The following HEXB variants were observed in gnomAD, a reference collection of about 807,000 sequenced individuals.
HEXB encodes hexosaminidase subunit beta.
HEXB carries 51 observed loss-of-function variants against 71.2 expected under a neutral mutation model. That is an observed-to-expected ratio of 0.72 (90% CI 0.57 to 0.90). The LOEUF is 0.90. Among genes scored for constraint, HEXB ranks in the 40% least tolerant of loss-of-function variants. The probability of loss-of-function intolerance (pLI) is 0.00; values close to 1 mark genes in which losing one functional copy is unlikely to be tolerated. For missense variants in HEXB, 617 were observed against 677.0 expected (o/e 0.91, Z 0.98); for synonymous variants, 266 against 249.3 (o/e 1.07, Z -0.63).
At chr5:74,648,416 C>T (rs778157103) in intron 1 of HEXB, among the ~76,000 whole-genome samples, 23 of 152,134 alleles carry the variant, frequency 1.5e-4, no homozygotes, top group Non-Finnish European at 2.5e-4. Context: ...CAAATAGTAC[C>T]GAAGGACAAG....
At chr5:74,673,711 C>T (rs1197870250) in intron 1 of HEXB, among the ~76,000 whole-genome samples, 6 of 152,178 alleles carry the variant, frequency 3.9e-5, no homozygotes, top group Non-Finnish European at 5.9e-5. Context: ...CAGGGCATGA[C>T]GTATCCCTTT....
In HEXB at chr5:74,718,274, T is replaced by A. The variant is rs763199590; in HGVS notation, c.1170-17T>A. The stretch of plus-strand genomic sequence containing the variant: ...AGCTTATGATCTAAAATAACTATAA[T>A]TTTTTTGTAATACTAGGGTTTTGGA... On this transcript the variant is annotated splice_polypyrimidine_tract_variant and intron_variant, in intron 9 of 13. Coordinates refer to ENST00000261416, the MANE Select transcript of HEXB (RefSeq NM_000521.4). 3 of 1,468,152 alleles carry A rather than the reference T, an allele frequency of 2.0e-6. No homozygotes were observed. The highest frequency in any genetic ancestry group is 1.4e-5 in the African/African-American group (1 of 72,126). The allele number at this position is 1,468,152 out of a possible 1,614,324, so 90.9% of individuals were successfully genotyped here.
chr5:74,650,882 C>T (rs768322400), intron 1 of HEXB, among the ~76,000 whole-genome samples: 9 of 146,122 alleles, frequency 6.2e-5, no homozygotes, highest in Admixed American at 1.4e-4. Context: ...GCTGGGATCA[C>T]GCCACTGCAC....
intron 1 of HEXB, among the ~76,000 whole-genome samples, chr5:74,651,008 C>T (rs1196015048): frequency 6.6e-6 from 1 of 150,968 alleles, no homozygotes; most frequent in East Asian, 1.9e-4. Context: ...TCATCTCTTA[C>T]AATGATGTAA....
chr5:74,672,083 C>T (rs1419167071), intron 1 of HEXB, among the ~76,000 whole-genome samples: 1 of 152,146 alleles, frequency 6.6e-6, no homozygotes, highest in East Asian at 1.9e-4. Context: ...TTCTGCTATC[C>T]CGATATATGT....
At chr5:74,675,206 G>T (rs1748609443) in intron 1 of HEXB, among the ~76,000 whole-genome samples, 1 of 152,188 alleles carries the variant, frequency 6.6e-6, no homozygotes, top group African/African-American at 2.4e-5. Context: ...TCCTGCTGAA[G>T]GCAGGCCAGG....
Position 74,718,833 on chromosome 5 carries a change from A to G in HEXB, c.1279A>G (p.Ser427Gly), listed in dbSNP as rs749347602. 81 of 1,614,084 alleles carry G rather than the reference A, an allele frequency of 5.0e-5. No homozygotes were observed. The East Asian group carries it at 1.8e-3, about 36-fold the overall frequency. Residue 427 changes from serine to glycine, a missense_variant, in exon 11 of 14, where the codon AGC becomes GGC. By Grantham distance (56) the Ser-to-Gly change is moderately conservative (BLOSUM62 0). Transcript: ENST00000261416. ...PGTIVEVWKD[S>G]AYPEELSRVT... is the part of the protein sequence containing the mutation. ...CACAATAGTTGAAGTATGGAAAGAC[A>G]GCGCATATCCTGAGGAACTCAGTAG...
chr5:74,692,371 A>G (rs1358655961), intron 2 of HEXB, among the ~76,000 whole-genome samples: 2 of 151,170 alleles, frequency 1.3e-5, no homozygotes, highest in Admixed American at 6.6e-5. Context: ...AAAATTAGCC[A>G]GGCGTGGTGG....
At chr5:74,660,806 G>T (rs146604642) in intron 1 of HEXB, among the ~76,000 whole-genome samples, 122 of 152,230 alleles carry the variant, frequency 8.0e-4, no homozygotes, top group African/African-American at 2.8e-3. Flanking sequence ...CATCAAAGAG[G>T]CCTCTGATCC....
intron 1 of HEXB, among the ~76,000 whole-genome samples, chr5:74,651,660 A>G (rs1297257313): frequency 2.0e-5 from 3 of 152,222 alleles, no homozygotes; most frequent in South Asian, 2.1e-4. Context: ...TCATTGACAT[A>G]TGATGAATAA....
chr5:74,701,092 A>T (rs1296658461), intron 5 of HEXB, among the ~76,000 whole-genome samples: 1 of 150,458 alleles, frequency 6.6e-6, no homozygotes, highest in Non-Finnish European at 1.5e-5. Flanking sequence ...CACATTTCCC[A>T]GGTTGGTCTT....
At chr5:74,660,015 A>G (rs2112086835) in intron 1 of HEXB, among the ~76,000 whole-genome samples, 1 of 152,314 alleles carries the variant, frequency 6.6e-6, no homozygotes, top group South Asian at 2.1e-4. Flanking sequence ...CAGAGAGGAC[A>G]TCATCACCTT....
chr5:74,708,796 T>C (rs1469838825), intron 6 of HEXB, among the ~76,000 whole-genome samples: 1 of 151,438 alleles, frequency 6.6e-6, no homozygotes, highest in African/African-American at 2.4e-5. Context: ...ATAAAGCAAG[T>C]CCTGAGTGAC....
chr5:74,646,017 T>G (rs1418769868), intron 1 of HEXB, among the ~76,000 whole-genome samples: 1 of 152,010 alleles, frequency 6.6e-6, no homozygotes, highest in Non-Finnish European at 1.5e-5. Flanking sequence ...GGATCCCTAC[T>G]TTTATATTTA....
intron 6 of HEXB, among the ~76,000 whole-genome samples, chr5:74,712,267 A>T (rs1220135119): frequency 5.9e-4 from 74 of 126,076 alleles, no homozygotes; most frequent in African/African-American, 1.9e-3. Flanking sequence ...AACATCACAC[A>T]CTGGGGACTG....
chr5:74,710,721 T>G (rs1341769983), intron 6 of HEXB, among the ~76,000 whole-genome samples: 1 of 151,340 alleles, frequency 6.6e-6, no homozygotes, highest in Non-Finnish European at 1.5e-5. Flanking sequence ...GGAATCCAAC[T>G]TACAAGGGAT....
Position 74,641,712 on chromosome 5 carries a change from G to T in HEXB, c.-377+1154G>T, listed in dbSNP as rs1747895319. 6.6e-6 allele frequency among the ~76,000 whole-genome samples: 1 copy of T among 152,222 alleles called. No individual in the cohort carries two copies. The highest frequency in any genetic ancestry group is 2.1e-4 in the South Asian group (1 of 4,832). ...GCGATTCGAAAAATAATCTCGCGTG[G>T]TGATCACTTTTACGAATCCCATTTA... On this transcript the variant is annotated intron_variant, in intron 1 of 13. Coordinates refer to the HEXB transcript ENST00000511181. The surrounding 1 kb of genome is among the most constrained non-coding windows in gnomAD (Gnocchi z 4.1).
At chr5:74,658,608 A>C (rs1748262440) in intron 1 of HEXB, among the ~76,000 whole-genome samples, 1 of 151,974 alleles carries the variant, frequency 6.6e-6, no homozygotes, top group Non-Finnish European at 1.5e-5. Flanking sequence ...ACTCCTGAAC[A>C]CTGAGGCTCA....
chr5:74,697,100 A>G lies in HEXB; in HGVS notation c.663A>G (p.Lys221=), dbSNP rs1749130938. The change falls in exon 5 of 14, where the codon AAA becomes AAG. Residue 221 remains lysine, a synonymous_variant. Transcript: ENST00000261416. ...ATCTGCCAGTTAAGATTATTCTTAA[A>G]ACTCTGGTAAGTAATTACTTCATTC... is the stretch of plus-strand genomic sequence containing the variant. ...RHYLPVKIIL[K]TLDAMAFNKF... is the part of the protein sequence containing the mutation. 3 of 1,364,660 alleles carry G rather than the reference A, an allele frequency of 2.2e-6. No homozygotes were observed. Among genetic ancestry groups the G allele is most frequent in the Non-Finnish European group, 3.1e-6 (3 of 953,144 alleles). 84.5% of individuals were successfully genotyped at this position (1,364,660 alleles called of 1,614,324 possible). A position where few individuals can be genotyped will look rare whatever the true frequency, so the allele number is the denominator to read the frequency against.
Sources: allele counts gnomAD v4.1 joint callset (sites outside exome capture counted in the v4.1 genomes callset), GRCh38; gene constraint gnomAD v4.1.1; non-coding constraint Gnocchi (gnomAD v3.1); transcripts MANE v1.5; gene names NCBI Gene and HGNC (gene_info 2026-07-23, HGNC 2026-07-21).